The following DDX60 variants were observed in gnomAD, a reference collection of about 807,000 sequenced individuals.
The protein encoded by DDX60 is DExD/H-box helicase 60, also known as probable ATP-dependent RNA helicase DDX60.
Under a neutral mutation model 212.8 loss-of-function variants are expected in DDX60, and 165 were observed. The ratio of observed to expected loss-of-function variants is 0.78; its 90% CI spans 0.68 to 0.88. The LOEUF (loss-of-function observed/expected upper bound fraction) is 0.88. DDX60 is among the 40% of genes least tolerant of loss of function. DDX60 has a pLI of 0.00. For missense variants in DDX60, 1,905 were observed against 2,003.9 expected (o/e 0.95, Z 0.94); for synonymous variants, 703 against 685.3 (o/e 1.03, Z -0.40).
chr4:168,242,285 C>T (rs891724238), intron 30 of DDX60, among the ~76,000 whole-genome samples: 1 of 152,182 alleles, frequency 6.6e-6, no homozygotes, highest in African/African-American at 2.4e-5. Context: ...TGGGGCACTG[C>T]CTATTGGAGC....
At position 168,291,768 on chromosome 4, in the gene DDX60, T is replaced by A. The variant is rs186564603; in HGVS notation, c.1021A>T (p.Met341Leu). 12 of 1,595,260 alleles carry A rather than the reference T, an allele frequency of 7.5e-6. No individual in the cohort carries two copies. In the East Asian group the frequency reaches 2.7e-4, roughly 36 times the overall value. Residue 341 changes from methionine (M) to leucine (L), a missense_variant, in exon 8 of 38, where the codon ATG becomes TTG. Met to Leu is a conservative substitution (Grantham distance 15). Transcript: ENST00000393743. ...RVITSHWAED[M>L]KPLLQMKKWC... Reference sequence around the variant, plus strand: ...TTTACCATTTGTAATAAAGGCTTCATGTCCTCAGCCCAATGGGAAGTGATG... The same window carrying A: ...TTTACCATTTGTAATAAAGGCTTCAAGTCCTCAGCCCAATGGGAAGTGATG...
intron 34 of DDX60, 66 bp downstream of exon 34, chr4:168,225,463 A>G: frequency 1.4e-6 from 2 of 1,460,980 alleles, no homozygotes; most frequent in Non-Finnish European, 1.9e-6. Context: ...CTTCCAGAAT[A>G]AACTATTCTT....
chr4:168,278,374 T>A (rs1324112753), intron 14 of DDX60, among the ~76,000 whole-genome samples: 2 of 152,196 alleles, frequency 1.3e-5, no homozygotes, highest in African/African-American at 4.8e-5. Flanking sequence ...ATAGAAAATA[T>A]TTTCCAGGTG....
intron 32 of DDX60, 39 bp downstream of exon 32, chr4:168,237,247 A>ACT (rs776184373): frequency 3.1e-6 from 4 of 1,301,678 alleles, no homozygotes; most frequent in East Asian, 2.9e-5. Context: ...CTATTTTTGG[A>ACT]CTCTCTCTCT....
intron 33 of DDX60, among the ~76,000 whole-genome samples, chr4:168,231,352 T>C (rs1212957090): frequency 1.3e-5 from 2 of 151,684 alleles, no homozygotes; most frequent in African/African-American, 4.8e-5. Flanking sequence ...CCTAAATTGT[T>C]CTATGAAGCC....
At chr4:168,221,277 C>A (rs529456657) in intron 36 of DDX60, among the ~76,000 whole-genome samples, 1 of 152,218 alleles carries the variant, frequency 6.6e-6, no homozygotes, top group East Asian at 1.9e-4. Flanking sequence ...ACAGTGTTTA[C>A]CCCTGGCTAC....
At chr4:168,287,852 T>C (rs1735928220) in intron 9 of DDX60, among the ~76,000 whole-genome samples, 1 of 152,086 alleles carries the variant, frequency 6.6e-6, no homozygotes, top group Admixed American at 6.5e-5. Context: ...AGTGAAATAA[T>C]TAAATTAATT....
chr4:168,305,420 A>T (rs973099020), intron 5 of DDX60, among the ~76,000 whole-genome samples: 2 of 152,132 alleles, frequency 1.3e-5, no homozygotes, highest in African/African-American at 4.8e-5. Flanking sequence ...GATTTTGATG[A>T]ATTAAAGAAT....
chr4:168,297,345 A>AGAAGGAAG (rs1491510533), intron 6 of DDX60, among the ~76,000 whole-genome samples: 2 of 92,356 alleles, frequency 2.2e-5, no homozygotes, highest in African/African-American at 1.4e-4. Flanking sequence ...AAAGAAAGAA[A>AGAAGGAAG]GAAAGAAAGA....
At chr4:168,272,199 T>C in intron 18 of DDX60, 61 bp from the exon 19 acceptor site, 3 of 1,303,286 alleles carry the variant, frequency 2.3e-6, no homozygotes, top group Admixed American at 2.0e-5. Flanking sequence ...TTGACATATT[T>C]ACAGGAATAT....
chr4:168,234,100 C>T (rs995436485), intron 33 of DDX60, among the ~76,000 whole-genome samples: 2 of 152,054 alleles, frequency 1.3e-5, no homozygotes, highest in South Asian at 2.1e-4. Context: ...ATTCTCATTG[C>T]TTCTTAGAAG....
intron 34 of DDX60, 115 bp from the exon 35 acceptor site, chr4:168,224,500 G>T: frequency 2.0e-6 from 2 of 984,552 alleles, no homozygotes; most frequent in Non-Finnish European, 3.0e-6. Flanking sequence ...ATGTAATGAA[G>T]ACTGAAATGT....
intron 26 of DDX60, among the ~76,000 whole-genome samples, chr4:168,254,813 G>C (rs568182711): frequency 6.6e-6 from 1 of 152,266 alleles, no homozygotes; most frequent in African/African-American, 2.4e-5. Context: ...TCAGTTCATG[G>C]AAAGGAAGAG....
chr4:168,252,179 G>A (rs556261360), intron 27 of DDX60, among the ~76,000 whole-genome samples: 3 of 152,220 alleles, frequency 2.0e-5, no homozygotes, highest in East Asian at 1.9e-4. Flanking sequence ...ATAACGAAAC[G>A]GCAAACATTT....
intron 25 of DDX60, among the ~76,000 whole-genome samples, chr4:168,257,912 G>A (rs1044272498): frequency 1.3e-5 from 2 of 152,184 alleles, no homozygotes; most frequent in Admixed American, 6.5e-5. Flanking sequence ...TTTTGGAGAC[G>A]CAAAACCAGA....
chr4:168,220,186 T>C (rs1039222669), intron 37 of DDX60, among the ~76,000 whole-genome samples: 1 of 152,076 alleles, frequency 6.6e-6, no homozygotes, highest in African/African-American at 2.4e-5. Flanking sequence ...GAGGCCAATA[T>C]GAAAGATCAG....
chr4:168,275,561 T>C (rs1254266628), intron 15 of DDX60, 58 bp from the exon 16 acceptor site: 3 of 1,424,426 alleles, frequency 2.1e-6, no homozygotes, highest in Non-Finnish European at 2.9e-6. Context: ...ATCATTTAAA[T>C]AAGTAAAACA....
intron 30 of DDX60, among the ~76,000 whole-genome samples, chr4:168,244,107 C>T (rs1733941993): frequency 6.6e-6 from 1 of 151,982 alleles, no homozygotes. Flanking sequence ...CCTGTTGGGG[C>T]AGGGAGAGGA....
intron 17 of DDX60, 110 bp downstream of exon 17, chr4:168,273,824 A>G: frequency 7.7e-7 from 1 of 1,298,632 alleles, no homozygotes; most frequent in Non-Finnish European, 1.1e-6. Flanking sequence ...GAAACAAGAA[A>G]ATGCAGGTTA....
Sources: gnomAD v4.1 joint callset for allele counts (sites outside exome capture counted in the v4.1 genomes callset) on GRCh38, gnomAD v4.1.1 for gene constraint, MANE v1.5 for transcripts, NCBI Gene and HGNC (gene_info 2026-07-23, HGNC 2026-07-21) for gene names.